Variants in DSCAML1 observed in about 807,000 individuals in gnomAD.
The protein encoded by DSCAML1 is DS cell adhesion molecule like 1.
A neutral mutation model predicts 200.5 loss-of-function variants in DSCAML1; 38 were observed. The observed-to-expected ratio is 0.19, with a 90% CI of 0.15 to 0.25. The LOEUF (loss-of-function observed/expected upper bound fraction) is 0.25. DSCAML1 is among the 10% of genes least tolerant of loss of function. The probability of loss-of-function intolerance (pLI) is 1.00; values close to 1 mark genes in which losing one functional copy is unlikely to be tolerated. For synonymous variants in DSCAML1, 1,215 were observed against 1,165.0 expected (o/e 1.04, Z -0.87); for missense variants, 2,223 against 2,858.8 (o/e 0.78, Z 5.07).
At chr11:117,723,658 A>T (rs2054075421) in intron 3 of DSCAML1, among the ~76,000 whole-genome samples, 1 of 152,156 alleles carries the variant, frequency 6.6e-6, no homozygotes, top group African/African-American at 2.4e-5. Flanking sequence ...CGTTGAGTTC[A>T]TCTGTGGATT....
chr11:117,749,101 A>T (rs1310880355), intron 3 of DSCAML1, among the ~76,000 whole-genome samples: 2 of 152,134 alleles, frequency 1.3e-5, no homozygotes, highest in South Asian at 4.1e-4. Flanking sequence ...CTTCATTCCC[A>T]GAGAGGATGC....
At chr11:117,689,602 G>A (rs2053461489) in intron 3 of DSCAML1, among the ~76,000 whole-genome samples, 1 of 152,172 alleles carries the variant, frequency 6.6e-6, no homozygotes, top group South Asian at 2.1e-4. Flanking sequence ...GGGACATAGA[G>A]TGGGGGTGAA....
chr11:117,490,275 G>A (rs187671208), intron 11 of DSCAML1, among the ~76,000 whole-genome samples: 6 of 152,276 alleles, frequency 3.9e-5, no homozygotes, highest in Admixed American at 3.9e-4. Context: ...CTCGCAGGCC[G>A]GCTCCTGTCA....
chr11:117,573,505 G>A (rs1005944159), intron 3 of DSCAML1, among the ~76,000 whole-genome samples: 3 of 152,070 alleles, frequency 2.0e-5, no homozygotes, highest in Non-Finnish European at 4.4e-5. Flanking sequence ...CGGGTGCTCC[G>A]CCCCACCCTC....
In DSCAML1 at chr11:117,439,021, G is replaced by A. The variant is rs370200044; in HGVS notation, c.4145-38C>T. 3.1e-5 allele frequency: 48 copies of A among 1,560,728 alleles called. No homozygotes were observed. The African/African-American group carries it at 3.1e-4, about 10-fold the overall frequency. ...AGCCACCACCCCTTAGCACAAGGGCGGACCCTGTGATGGGGTGTGGGGAGT... is the reference window on the plus strand; with the variant it reads ...AGCCACCACCCCTTAGCACAAGGGCAGACCCTGTGATGGGGTGTGGGGAGT... On this transcript the variant is annotated intron_variant, in intron 23 of 32. Coordinates refer to ENST00000651296, the MANE Select transcript of DSCAML1 (RefSeq NM_020693.4).
At chr11:117,492,882 G>C (rs898451588) in intron 11 of DSCAML1, among the ~76,000 whole-genome samples, 7 of 152,202 alleles carry the variant, frequency 4.6e-5, no homozygotes, top group Non-Finnish European at 7.3e-5. Flanking sequence ...TTGTTAATTT[G>C]ATTGCACCCA....
chr11:117,435,228 G>A (rs1289179295), intron 27 of DSCAML1, among the ~76,000 whole-genome samples: 12 of 152,224 alleles, frequency 7.9e-5, no homozygotes, highest in Admixed American at 5.2e-4. Flanking sequence ...AGTTAGAACT[G>A]AGCATTGTCC....
intron 3 of DSCAML1, among the ~76,000 whole-genome samples, chr11:117,666,801 T>C (rs1656346221): frequency 6.6e-6 from 1 of 152,228 alleles, no homozygotes; most frequent in Non-Finnish European, 1.5e-5. Context: ...AAAGTGGTGA[T>C]TTCAATGCCT....
Position 117,704,624 on chromosome 11 carries a change from TCCCAGTGA to T in DSCAML1, c.511+72159_511+72166del, listed in dbSNP as rs892982414. Among the ~76,000 whole-genome samples the T allele has an allele frequency of 3.4e-4, 51 of 152,196 alleles. 1 individual carries two copies. The highest frequency in any genetic ancestry group is 1.2e-3 in the African/African-American group (50 of 41,508). ...TGTATGGCCTCGCACTTAGCATTCC[TCCCAGTGA>T]CTCGGTGACTCGGCTGGTAGCCTCG... On this transcript the variant is annotated intron_variant, in intron 3 of 32. Coordinates refer to ENST00000651296, the MANE Select transcript of DSCAML1 (RefSeq NM_020693.4).
Position 117,518,817 on chromosome 11 carries a change from C to T in DSCAML1, c.1214-55G>A. 6.5e-7 allele frequency: 1 copy of T among 1,537,856 alleles called. No individual in the cohort carries two copies. Among genetic ancestry groups the T allele is most frequent in the South Asian group, 1.2e-5 (1 of 80,542 alleles). On this transcript the variant is annotated intron_variant, in intron 6 of 32. Coordinates refer to ENST00000651296, the MANE Select transcript of DSCAML1 (RefSeq NM_020693.4). The surrounding 1 kb of genome is among the most constrained non-coding windows in gnomAD (Gnocchi z 6.3). ...TCACCAAGCCATGGAGAGACGGTCCCCCCAGCCACCCCACCTCAGCAGGGG... is the reference window on the plus strand; with the variant it reads ...TCACCAAGCCATGGAGAGACGGTCCTCCCAGCCACCCCACCTCAGCAGGGG...
At chr11:117,565,560 G>A (rs1336688163) in intron 3 of DSCAML1, among the ~76,000 whole-genome samples, 1 of 152,184 alleles carries the variant, frequency 6.6e-6, no homozygotes, top group African/African-American at 2.4e-5. Flanking sequence ...CCCCATGAGG[G>A]CAGGGATCTT....
intron 3 of DSCAML1, among the ~76,000 whole-genome samples, chr11:117,716,323 G>A (rs145979603): frequency 6.6e-6 from 1 of 152,336 alleles, no homozygotes; most frequent in Non-Finnish European, 1.5e-5. Context: ...CCCTCTCTGG[G>A]TCTTGATTTC....
chr11:117,813,709 T>C (rs994819003), intron 1 of DSCAML1, among the ~76,000 whole-genome samples: 4 of 152,120 alleles, frequency 2.6e-5, no homozygotes, highest in African/African-American at 9.7e-5. Flanking sequence ...TATCACCCCT[T>C]ACCACAAGAC....
chr11:117,607,008 T>C (rs1403405925), intron 3 of DSCAML1, among the ~76,000 whole-genome samples: 2 of 152,350 alleles, frequency 1.3e-5, no homozygotes, highest in East Asian at 1.9e-4. Flanking sequence ...GCCCTGCCCT[T>C]GGGAGACTCA....
chr11:117,511,445 C>T (rs1232917907), intron 8 of DSCAML1, among the ~76,000 whole-genome samples: 1 of 152,184 alleles, frequency 6.6e-6, no homozygotes, highest in African/African-American at 2.4e-5. Context: ...AGCCTGCATG[C>T]CCAGAGATGC....
rs1032758719 is a variant in DSCAML1, at chr11:117,498,692, C to T, written c.2359+5153G>A. On this transcript the variant is annotated intron_variant, in intron 11 of 32. Coordinates refer to ENST00000651296, the MANE Select transcript of DSCAML1 (RefSeq NM_020693.4). The surrounding 1 kb of genome is among the most constrained non-coding windows in gnomAD (Gnocchi z 4.0). ...GTGGGTGACCTGGTCCACGGAGGCC[C>T]GAGGGCTTCCTTTGCTAGGCCCGCC... Among the ~76,000 whole-genome samples, 10 of 152,266 alleles carry T rather than the reference C, an allele frequency of 6.6e-5. No individual in the cohort carries two copies. The South Asian group carries it at 2.1e-3, about 32-fold the overall frequency.
intron 3 of DSCAML1, among the ~76,000 whole-genome samples, chr11:117,632,015 A>G (rs2052184666): frequency 6.6e-6 from 1 of 152,140 alleles, no homozygotes; most frequent in Non-Finnish European, 1.5e-5. Context: ...GGACACGTAC[A>G]GCTCACCTGG....
intron 3 of DSCAML1, among the ~76,000 whole-genome samples, chr11:117,589,164 G>T (rs1565810317): frequency 6.7e-6 from 1 of 150,214 alleles, no homozygotes; most frequent in Non-Finnish European, 1.5e-5. Context: ...CTAAGAGGGG[G>T]CCTGTAAATA....
intron 3 of DSCAML1, among the ~76,000 whole-genome samples, chr11:117,545,722 A>T (rs2050361503): frequency 6.6e-6 from 1 of 152,146 alleles, no homozygotes; most frequent in Non-Finnish European, 1.5e-5. Flanking sequence ...GGCAGGGAGG[A>T]AGCTGAAGGC....
Sources: gnomAD v4.1 joint callset for allele counts (sites outside exome capture counted in the v4.1 genomes callset) on GRCh38, gnomAD v4.1.1 for gene constraint, Gnocchi (gnomAD v3.1) non-coding constraint, MANE v1.5 for transcripts, NCBI Gene and HGNC (gene_info 2026-07-23, HGNC 2026-07-21) for gene names.